The following VSNL1 variants were observed in gnomAD, a reference collection of about 807,000 sequenced individuals.
VSNL1 encodes visinin like 1, also known as visinin-like protein 1.
A neutral mutation model predicts 20.4 loss-of-function variants in VSNL1; 6 were observed. The observed-to-expected ratio is 0.29, with a 90% CI of 0.16 to 0.58. VSNL1 has a LOEUF of 0.58. Among genes scored for constraint, VSNL1 ranks in the 20% least tolerant of loss-of-function variants. VSNL1 has a pLI of 0.90. For synonymous variants in VSNL1, 93 were observed against 86.4 expected (o/e 1.08, Z -0.42); for missense variants, 100 against 234.5 (o/e 0.43, Z 3.75).
At position 17,546,413 on chromosome 2, in the gene VSNL1, T is replaced by TG. The variant is rs1426914651; in HGVS notation, c.-6+5495_-6+5496insG. On this transcript the variant is annotated intron_variant, in intron 1 of 3. Coordinates refer to ENST00000295156, the MANE Select transcript of VSNL1 (RefSeq NM_003385.5). ...GGAGCTTTATGTAAATAGTTTTTTG[T>TG]TTTTTTTGGCAAATCATTAACATGT... Among the ~76,000 whole-genome samples the TG allele has an allele frequency of 3.7e-5, 3 of 80,296 alleles. No homozygotes were observed. In the East Asian group the frequency reaches 0.028, roughly 758 times the overall value. 52.7% of individuals were successfully genotyped at this position (80,296 alleles called of 152,430 possible). A position where few individuals can be genotyped will look rare whatever the true frequency, so the allele number is the denominator to read the frequency against.
At chr2:17,597,439 G>A (rs1220255906) in intron 2 of VSNL1, among the ~76,000 whole-genome samples, 1 of 152,112 alleles carries the variant, frequency 6.6e-6, no homozygotes, top group Non-Finnish European at 1.5e-5. Context: ...TTGGGCTCTG[G>A]CCCACCTCTC....
chr2:17,636,513 G>A (rs1030826225), intron 2 of VSNL1, among the ~76,000 whole-genome samples: 3 of 152,142 alleles, frequency 2.0e-5, no homozygotes, highest in African/African-American at 2.4e-5. Context: ...TGGTAGCCAC[G>A]GGCTGCATGT....
intron 2 of VSNL1, among the ~76,000 whole-genome samples, chr2:17,627,553 C>T (rs527754125): frequency 3.9e-5 from 6 of 152,204 alleles, no homozygotes; most frequent in South Asian, 2.1e-4. Flanking sequence ...TCCAGTGAAT[C>T]GGGAATGTTG....
chr2:17,545,601 A>T (rs1023247864), intron 1 of VSNL1, among the ~76,000 whole-genome samples: 1 of 152,222 alleles, frequency 6.6e-6, no homozygotes, highest in Admixed American at 6.5e-5. Flanking sequence ...TGCATTTCTC[A>T]TTTACAGTTT....
intron 2 of VSNL1, among the ~76,000 whole-genome samples, chr2:17,647,568 C>T (rs770823552): frequency 5.9e-5 from 9 of 152,148 alleles, no homozygotes; most frequent in South Asian, 2.1e-4. Context: ...CAAAACTCAG[C>T]GCCTGGCAGC....
intron 1 of VSNL1, among the ~76,000 whole-genome samples, chr2:17,543,417 C>A (rs1475307804): frequency 3.9e-5 from 6 of 152,226 alleles, no homozygotes; most frequent in Non-Finnish European, 8.8e-5. Context: ...CCCATCTGTC[C>A]TCCTCCAAAA....
At chr2:17,543,136 G>T (rs1663328540) in intron 1 of VSNL1, among the ~76,000 whole-genome samples, 1 of 152,114 alleles carries the variant, frequency 6.6e-6, no homozygotes, top group South Asian at 2.1e-4. Context: ...TCTTTGTCTT[G>T]TAAGGTCTCT....
chr2:17,654,349 C>T (rs928901610), intron 3 of VSNL1, among the ~76,000 whole-genome samples: 78 of 152,322 alleles, frequency 5.1e-4, no homozygotes, highest in African/African-American at 1.8e-3. Context: ...CCACAACTCT[C>T]CCTAAACTAA....
At chr2:17,639,466 C>T (rs1282463329) in intron 2 of VSNL1, among the ~76,000 whole-genome samples, 1 of 152,172 alleles carries the variant, frequency 6.6e-6, no homozygotes, top group Non-Finnish European at 1.5e-5. Flanking sequence ...AGCACCTTGC[C>T]TAGTATCTGC....
chr2:17,587,917 A>G lies in VSNL1; in HGVS notation c.-5-4153A>G, dbSNP rs140922116. Among the ~76,000 whole-genome samples the G allele has an allele frequency of 4.1e-3, 631 of 152,328 alleles. 6 individuals are homozygous for G. Among genetic ancestry groups the G allele is most frequent in the African/African-American group, 0.014 (585 of 41,570 alleles). On this transcript the variant is annotated intron_variant, in intron 1 of 3. Transcript: ENST00000295156. ...GTTGCACAAAAGCCTTTTGTAAATT[A>G]GTGTACAAAAGTGCCATCTTCTCTG...
At chr2:17,586,089 A>ATAAGCCACTGC in intron 1 of VSNL1, among the ~76,000 whole-genome samples, 1 of 152,130 alleles carries the variant, frequency 6.6e-6, no homozygotes, top group Non-Finnish European at 1.5e-5. Flanking sequence ...GATTACAGGC[A>ATAAGCCACTGC]TAAGCCACTG....
intron 1 of VSNL1, among the ~76,000 whole-genome samples, chr2:17,583,857 A>G (rs1413666975): frequency 1.3e-5 from 2 of 152,108 alleles, no homozygotes; most frequent in Non-Finnish European, 2.9e-5. Context: ...TGAGGTTAGG[A>G]TGACTCCTGC....
At chr2:17,542,518 A>T (rs1663308839) in intron 1 of VSNL1, among the ~76,000 whole-genome samples, 1 of 152,232 alleles carries the variant, frequency 6.6e-6, no homozygotes, top group Non-Finnish European at 1.5e-5. Context: ...CCCTCAAAGG[A>T]ATTTATAATT....
intron 1 of VSNL1, among the ~76,000 whole-genome samples, chr2:17,549,263 A>G (rs1379225737): frequency 6.6e-6 from 1 of 152,222 alleles, no homozygotes; most frequent in Non-Finnish European, 1.5e-5. Flanking sequence ...GATCAGGTTT[A>G]GCCTATCAGA....
At chr2:17,631,796 A>G (rs999054042) in intron 2 of VSNL1, among the ~76,000 whole-genome samples, 7 of 152,252 alleles carry the variant, frequency 4.6e-5, no homozygotes, top group Admixed American at 3.3e-4. Context: ...AGAGTTATAA[A>G]TATACATGCG....
chr2:17,644,173 T>C (rs1432823920), intron 2 of VSNL1, among the ~76,000 whole-genome samples: 3 of 152,130 alleles, frequency 2.0e-5, no homozygotes, highest in African/African-American at 2.4e-5. Flanking sequence ...GCCTCATGGA[T>C]GTGAAGAGCT....
At chr2:17,611,180 T>G (rs1665075783) in intron 2 of VSNL1, among the ~76,000 whole-genome samples, 1 of 152,238 alleles carries the variant, frequency 6.6e-6, no homozygotes, top group Non-Finnish European at 1.5e-5. Flanking sequence ...GTTTAATTCA[T>G]ACAACAGCCT....
At chr2:17,567,999 CT>C (rs1324573242) in intron 1 of VSNL1, among the ~76,000 whole-genome samples, 1 of 151,892 alleles carries the variant, frequency 6.6e-6, no homozygotes, top group African/African-American at 2.4e-5. Flanking sequence ...TTAGTCTATT[CT>C]TTTTTTAGAT....
intron 1 of VSNL1, among the ~76,000 whole-genome samples, chr2:17,585,393 A>G (rs902291288): frequency 6.6e-6 from 1 of 151,872 alleles, no homozygotes; most frequent in African/African-American, 2.4e-5. Context: ...AAAAAAAAAA[A>G]AAACATACAA....
Sources: allele counts gnomAD v4.1 joint callset (sites outside exome capture counted in the v4.1 genomes callset), GRCh38; gene constraint gnomAD v4.1.1; transcripts MANE v1.5; gene names NCBI Gene and HGNC (gene_info 2026-07-23, HGNC 2026-07-21).